Variants in GPR26 observed in about 807,000 individuals in gnomAD.
The protein encoded by GPR26 is G protein-coupled receptor 26.
Under a neutral mutation model 23.1 loss-of-function variants are expected in GPR26, and 15 were observed. That is an observed-to-expected ratio of 0.65 (90% CI 0.43 to 1.00). The LOEUF (loss-of-function observed/expected upper bound fraction) is 1.00, where lower values mean the gene tolerates loss of function less well. Among genes scored for constraint, GPR26 ranks in the 50% least tolerant of loss-of-function variants. The pLI, the probability that GPR26 is intolerant of heterozygous loss-of-function variation, is 0.00. For missense variants in GPR26, 359 were observed against 470.5 expected (o/e 0.76, Z 2.19); for synonymous variants, 228 against 222.1 (o/e 1.03, Z -0.24).
chr10:123,670,216 T>C (rs906803332), intron 1 of GPR26, among the ~76,000 whole-genome samples: 3 of 152,338 alleles, frequency 2.0e-5, no homozygotes, highest in East Asian at 3.9e-4. Context: ...CTGCAGATGT[T>C]GCCTGAGTGG....
chr10:123,670,287 CT>C (rs980643947), intron 1 of GPR26, among the ~76,000 whole-genome samples: 8 of 152,152 alleles, frequency 5.3e-5, no homozygotes, highest in Admixed American at 2.6e-4. Context: ...GTGCCCTTGA[CT>C]TTACAGATGA....
intron 2 of GPR26, among the ~76,000 whole-genome samples, chr10:123,684,968 C>G (rs950852502): frequency 5.9e-5 from 9 of 152,236 alleles, no homozygotes; most frequent in Non-Finnish European, 1.3e-4. Context: ...TCTGCCAGAA[C>G]TGAGCAGGAG....
At position 123,694,716 on chromosome 10, in the gene GPR26, T is replaced by G. The variant is rs1417933211; in HGVS notation, c.*6556T>G. The G allele has an allele frequency of 1.4e-5, 2 of 142,332 alleles. No homozygotes were observed. Among genetic ancestry groups the G allele is most frequent in the African/African-American group, 5.3e-5 (2 of 37,840 alleles). The allele number at this position is 142,332 out of a possible 1,614,324, so 8.8% of individuals were successfully genotyped here. On this transcript the variant is annotated 3_prime_UTR_variant, in exon 3 of 3. Coordinates refer to ENST00000284674, the MANE Select transcript of GPR26 (RefSeq NM_153442.4). ...AAAAGAAAAAGAAGGAAGGAAGGAGTCCTAGCCACTTCTTTCTCCTGATGC... is the reference window on the plus strand; with the variant it reads ...AAAAGAAAAAGAAGGAAGGAAGGAGGCCTAGCCACTTCTTTCTCCTGATGC...
In GPR26 at chr10:123,688,071, C is replaced by G. The variant is rs373403698; in HGVS notation, c.925C>G (p.Leu309Val). ...HQYRKSCKEILNRLLHRRSIH... is the reference protein window; with the variant it reads ...HQYRKSCKEIVNRLLHRRSIH... The stretch of plus-strand genomic sequence containing the variant: ...GTACCGCAAAAGCTGCAAGGAGATT[C>G]TGAACAGGCTCCTGCACAGACGCTC... The change falls in exon 3 of 3, where the codon CTG becomes GTG. Residue 309 changes from leucine (L) to valine (V), a missense_variant. Physicochemically the swap from Leu to Val is conservative, Grantham distance 32. Coordinates refer to ENST00000284674, the MANE Select transcript of GPR26 (RefSeq NM_153442.4). 2.5e-6 allele frequency: 4 copies of G among 1,613,882 alleles called. No homozygotes were observed. In the African/African-American group the frequency reaches 5.3e-5, roughly 22 times the overall value.
At chr10:123,676,054 G>A (rs979338615) in intron 2 of GPR26, among the ~76,000 whole-genome samples, 3 of 152,146 alleles carry the variant, frequency 2.0e-5, no homozygotes, top group African/African-American at 7.2e-5. Flanking sequence ...AGCATGATTT[G>A]CTCTGGCCTC....
At position 123,695,914 on chromosome 10, in the gene GPR26, G is replaced by C. The variant is rs1845538962; in HGVS notation, c.*7754G>C. On this transcript the variant is annotated 3_prime_UTR_variant, in exon 3 of 3. Coordinates refer to ENST00000284674, the MANE Select transcript of GPR26 (RefSeq NM_153442.4). ...TCTGGTGTGCCACCAACCCCATCAG[G>C]ATTTCCCCAGGGGAAAATGGCTAAC... is the stretch of plus-strand genomic sequence containing the variant. Among the ~76,000 whole-genome samples the C allele has an allele frequency of 6.6e-6, 1 of 152,140 alleles. No individual in the cohort carries two copies. The highest frequency in any genetic ancestry group is 2.4e-5 in the African/African-American group (1 of 41,408).
chr10:123,690,758 A>G lies in GPR26; in HGVS notation c.*2598A>G, dbSNP rs1845483567. The G allele has an allele frequency of 6.6e-6, 1 of 152,206 alleles. No individual in the cohort carries two copies. Among genetic ancestry groups the G allele is most frequent in the Non-Finnish European group, 1.5e-5 (1 of 68,038 alleles). The allele number at this position is 152,206 out of a possible 1,614,324, so 9.4% of individuals were successfully genotyped here. On this transcript the variant is annotated 3_prime_UTR_variant, in exon 3 of 3. Transcript: ENST00000284674. ...TAGATAAATGTTTATTTTCATCTCT[A>G]TACAGTCTATCAAATTTGCCCCCTG...
At position 123,694,156 on chromosome 10, in the gene GPR26, G is replaced by A. The variant is rs1467002170; in HGVS notation, c.*5996G>A. The A allele has an allele frequency of 6.5e-6, 1 of 153,052 alleles. No individual in the cohort carries two copies. The highest frequency in any genetic ancestry group is 1.5e-5 in the Non-Finnish European group (1 of 68,630). The allele number at this position is 153,052 out of a possible 1,614,324, so 9.5% of individuals were successfully genotyped here. ...CCTGGAAGTGTGTACTCAGTGCTGT[G>A]GGGGTACAGAGGGAGGGCTGGAGAA... is the stretch of plus-strand genomic sequence containing the variant. On this transcript the variant is annotated 3_prime_UTR_variant, in exon 3 of 3. Transcript: ENST00000284674.
intron 1 of GPR26, among the ~76,000 whole-genome samples, chr10:123,669,510 C>A (rs941680658): frequency 9.9e-5 from 15 of 152,218 alleles, no homozygotes; most frequent in Admixed American, 3.3e-4. Flanking sequence ...GCCTGTAGGA[C>A]CCAGGAGTGC....
rs920489795 is a variant in GPR26, at chr10:123,689,145, A to C, written c.*985A>C. On this transcript the variant is annotated 3_prime_UTR_variant, in exon 3 of 3. Coordinates refer to ENST00000284674, the MANE Select transcript of GPR26 (RefSeq NM_153442.4). ...CCTTGATTTTAAGTCACTGGGTTCCATTGTCCTGGCACCTCCATTTCCTTA... is the reference window on the plus strand; with the variant it reads ...CCTTGATTTTAAGTCACTGGGTTCCCTTGTCCTGGCACCTCCATTTCCTTA... The C allele has an allele frequency of 6.6e-6, 1 of 152,104 alleles. No homozygotes were observed. The highest frequency in any genetic ancestry group is 1.5e-5 in the Non-Finnish European group (1 of 68,038). 9.4% of individuals were successfully genotyped at this position (152,104 alleles called of 1,614,324 possible). A position where few individuals can be genotyped will look rare whatever the true frequency, so the allele number is the denominator to read the frequency against.
At position 123,666,888 on chromosome 10, in the gene GPR26, C is replaced by G. The variant is rs1468782864; in HGVS notation, c.481C>G (p.Arg161Gly). 1.9e-6 allele frequency: 3 copies of G among 1,611,908 alleles called. No homozygotes were observed. The highest frequency in any genetic ancestry group is 1.7e-6 in the Non-Finnish European group (2 of 1,179,500). ...GTACGCCTCGTGCACGCTGTGCAGC[C>G]GGCGGCCAGACGAGCGCCTGCGCTT... Reference protein sequence around the residue: ...QLYASCTLCSRRPDERLRFAV... With the variant: ...QLYASCTLCSGRPDERLRFAV... Residue 161 changes from arginine to glycine, a missense_variant, in exon 1 of 3, where the codon CGG becomes GGG. Coordinates refer to ENST00000284674, the MANE Select transcript of GPR26 (RefSeq NM_153442.4).
intron 1 of GPR26, among the ~76,000 whole-genome samples, chr10:123,667,361 G>A (rs1845198916): frequency 6.6e-6 from 1 of 152,226 alleles, no homozygotes; most frequent in Non-Finnish European, 1.5e-5. Flanking sequence ...CACATTTTCT[G>A]TGTTTGTAGC....
chr10:123,675,165 C>A (rs949211885), intron 2 of GPR26, among the ~76,000 whole-genome samples: 22 of 152,148 alleles, frequency 1.4e-4, no homozygotes, highest in African/African-American at 5.3e-4. Context: ...CTCTCCCACT[C>A]GATTTCTAAA....
At chr10:123,675,052 A>G (rs1845289753) in intron 2 of GPR26, 121 bp downstream of exon 2, 2 of 632,862 alleles carry the variant, frequency 3.2e-6, no homozygotes, top group East Asian at 5.6e-5. Context: ...GTGGGGGGCA[A>G]GAGTGAACTT....
intron 2 of GPR26, among the ~76,000 whole-genome samples, chr10:123,677,469 T>C (rs1845322904): frequency 6.6e-6 from 1 of 152,140 alleles, no homozygotes; most frequent in African/African-American, 2.4e-5. Context: ...GGCTTTCTCA[T>C]GTGTGTGGAG....
chr10:123,683,783 C>T (rs1322785657), intron 2 of GPR26, among the ~76,000 whole-genome samples: 1 of 152,188 alleles, frequency 6.6e-6, no homozygotes, highest in Non-Finnish European at 1.5e-5. Context: ...CATAGGAGTA[C>T]AAGCACACAG....
rs1016573780 is a variant in GPR26 at position 123,693,154 on chromosome 10, G to A, written c.*4994G>A. ...ATATGGCTGCCACTTGCTTGGGAAG[G>A]AATTCTCCAGACTCCTTTTACTTTG... is the stretch of plus-strand genomic sequence containing the variant. On this transcript the variant is annotated 3_prime_UTR_variant, in exon 3 of 3. Transcript: ENST00000284674. The A allele has an allele frequency of 6.6e-6, 1 of 152,238 alleles. No individual in the cohort carries two copies. The highest frequency in any genetic ancestry group is 6.5e-5 in the Admixed American group (1 of 15,286). The allele number at this position is 152,238 out of a possible 1,614,324, so 9.4% of individuals were successfully genotyped here.
Position 123,669,166 on chromosome 10 carries a change from G to A in GPR26, c.668+2091G>A, listed in dbSNP as rs991354594. Among the ~76,000 whole-genome samples the A allele has an allele frequency of 5.9e-5, 9 of 152,332 alleles. No homozygotes were observed. The Middle Eastern group carries it at 0.01, about 173-fold the overall frequency. On this transcript the variant is annotated intron_variant, in intron 1 of 2. Transcript: ENST00000284674. ...TCATTGGAGAGAGAAAAGACTTCTG[G>A]GGCCGGGGTTGCCATCGGCCAGTGC... is the stretch of plus-strand genomic sequence containing the variant.
chr10:123,674,636 C>T lies in GPR26; in HGVS notation c.669-182C>T, dbSNP rs1244107369. On this transcript the variant is annotated intron_variant, in intron 1 of 2. Coordinates refer to ENST00000284674, the MANE Select transcript of GPR26 (RefSeq NM_153442.4). This position sits in a 1 kb window ranked among gnomAD's most constrained non-coding sequence, Gnocchi z 4.1. ...TATTTTACACAGGAGGACCTTGAGG[C>T]TTAGTAATGTCACACTGCTTGCCCA... is the stretch of plus-strand genomic sequence containing the variant. Among the ~76,000 whole-genome samples the T allele has an allele frequency of 6.6e-6, 1 of 152,142 alleles. No homozygotes were observed. The highest frequency in any genetic ancestry group is 1.9e-4 in the East Asian group (1 of 5,198).
Sources: gnomAD v4.1 joint callset for allele counts (sites outside exome capture counted in the v4.1 genomes callset) on GRCh38, gnomAD v4.1.1 for gene constraint, Gnocchi (gnomAD v3.1) non-coding constraint, MANE v1.5 for transcripts, NCBI Gene and HGNC (gene_info 2026-07-23, HGNC 2026-07-21) for gene names.